HACE1: variants seen among roughly 807,000 people sequenced by gnomAD.
The protein encoded by HACE1 is HECT domain and ankyrin repeat containing E3 ubiquitin protein ligase 1.
HACE1 carries 73 observed loss-of-function variants against 118.4 expected under a neutral mutation model. That is an observed-to-expected ratio of 0.62 (90% CI 0.51 to 0.75). The LOEUF (loss-of-function observed/expected upper bound fraction) is 0.75, where lower values mean the gene tolerates loss of function less well. Ranked by LOEUF, HACE1 falls within the 30% of genes least tolerant of loss-of-function variation. The pLI is 0.00. For synonymous variants in HACE1, 368 were observed against 374.8 expected, an observed-to-expected ratio of 0.98 and a Z score of 0.21; for missense variants, 749 against 1,102.2, an observed-to-expected ratio of 0.68 and a Z score of 4.54.
chr6:104,730,269 T>G, intron 23 of HACE1, 34 bp downstream of exon 23: 1 of 995,784 alleles, frequency 1.0e-6, no homozygotes, highest in South Asian at 1.3e-5. Context: ...TCAAAACAAT[T>G]TGTAAAGCAT....
At position 104,762,922 on chromosome 6, in the gene HACE1, G is replaced by A. The variant is rs557186719; in HGVS notation, c.2211+8271C>T. ...GGAAAATGGTGTGAACCTGGGAGGT[G>A]GAGCTTGCAGTGAGCTGAGATCGCG... On this transcript the variant is annotated intron_variant, in intron 19 of 23. Coordinates refer to ENST00000262903, the MANE Select transcript of HACE1 (RefSeq NM_020771.4). 1.3e-4 allele frequency among the ~76,000 whole-genome samples: 20 copies of A among 149,970 alleles called. No homozygotes were observed. In the East Asian group the frequency reaches 3.7e-3, roughly 28 times the overall value.
At chr6:104,811,521 C>T in intron 6 of HACE1, 128 bp from the exon 7 acceptor site, 1 of 601,970 alleles carries the variant, frequency 1.7e-6, no homozygotes, top group Non-Finnish European at 3.2e-6. Flanking sequence ...ACTGAGTGGG[C>T]ACGTGACAAT....
In HACE1 at chr6:104,833,122, G is replaced by A. The variant is rs869025284; in HGVS notation, c.454C>T (p.Gln152Ter). The part of the protein sequence containing the change: ...GRTELLHDLV[Q>*]HVSDVDVEDA... ...TCAACATCAACATCACTGACATGCT[G>A]CACAAGGTCATGGAGTAGTTCTGTC... The change falls in exon 6 of 24, where the codon CAG becomes TAG. Residue 152 changes from glutamine (Q) to a stop codon, truncating the protein, a stop_gained. Coordinates refer to ENST00000262903, the MANE Select transcript of HACE1 (RefSeq NM_020771.4). LOFTEE classifies it high-confidence loss of function. 3 of 1,613,384 alleles carry A rather than the reference G, an allele frequency of 1.9e-6. No homozygotes were observed. Among genetic ancestry groups the A allele is most frequent in the Non-Finnish European group, 2.5e-6 (3 of 1,179,312 alleles).
At chr6:104,755,365 GATC>G (rs1445346841) in intron 19 of HACE1, among the ~76,000 whole-genome samples, 1 of 152,108 alleles carries the variant, frequency 6.6e-6, no homozygotes, top group Non-Finnish European at 1.5e-5. Flanking sequence ...ATATTAGACA[GATC>G]ATCAAGACAG....
intron 7 of HACE1, among the ~76,000 whole-genome samples, chr6:104,803,878 G>C (rs1295755864): frequency 6.6e-6 from 1 of 152,182 alleles, no homozygotes; most frequent in Non-Finnish European, 1.5e-5. Context: ...AATCAGGCAA[G>C]AGAAAGAAAT....
chr6:104,810,517 G>T (rs1228336103), intron 7 of HACE1, among the ~76,000 whole-genome samples: 1 of 151,920 alleles, frequency 6.6e-6, no homozygotes, highest in Non-Finnish European at 1.5e-5. Context: ...TCAAAAAGAA[G>T]AATTACTATA....
At chr6:104,785,937 A>G (rs1041857628) in intron 11 of HACE1, 5 of 152,472 alleles carry the variant, frequency 3.3e-5, no homozygotes, top group Admixed American at 3.3e-4. Context: ...AAATTACAAA[A>G]TGTGGCATAT....
intron 6 of HACE1, among the ~76,000 whole-genome samples, chr6:104,824,217 C>A (rs757214008): frequency 7.2e-5 from 11 of 152,164 alleles, no homozygotes; most frequent in Non-Finnish European, 1.6e-4. Context: ...CTCAAATAAT[C>A]CAGAGTAACA....
chr6:104,849,093 G>T, intron 4 of HACE1, 49 bp downstream of exon 4: 2 of 1,055,750 alleles, frequency 1.9e-6, no homozygotes, highest in Non-Finnish European at 3.0e-6. Context: ...AAAGTGCCTT[G>T]AATAACTGAT....
intron 14 of HACE1, among the ~76,000 whole-genome samples, chr6:104,779,109 A>C (rs1781490042): frequency 6.6e-6 from 1 of 152,204 alleles, no homozygotes. Flanking sequence ...ATAAATACCA[A>C]GAACAAAGAA....
intron 22 of HACE1, among the ~76,000 whole-genome samples, chr6:104,734,025 G>A (rs1582558381): frequency 6.6e-6 from 1 of 150,648 alleles, no homozygotes; most frequent in Non-Finnish European, 1.5e-5. Context: ...GGTGGTAAGC[G>A]CCTGTAATCC....
At chr6:104,768,444 G>A (rs967786885) in intron 19 of HACE1, among the ~76,000 whole-genome samples, 23 of 151,918 alleles carry the variant, frequency 1.5e-4, no homozygotes, top group African/African-American at 5.6e-4. Context: ...GTAACATTTT[G>A]TAAACTGAAT....
chr6:104,795,651 C>G lies in HACE1; in HGVS notation c.851G>C (p.Ser284Thr). ...RQVLEHLSQQ[S>T]ESQYLKILTS... ...TAGAATCTTTAGGTACTGGCTTTCA[C>G]TTTGCTGAGACAAATGCTCCAGAAC... The change falls in exon 10 of 24, where the codon AGT becomes ACT. Residue 284 changes from serine (S) to threonine (T), a missense_variant. Around this residue, in one of 5 missense-constraint regions of HACE1, gnomAD observed 267 missense variants for 312.2 expected, o/e 0.86. Coordinates refer to ENST00000262903, the MANE Select transcript of HACE1 (RefSeq NM_020771.4). 1 of 1,613,222 alleles carries G rather than the reference C, an allele frequency of 6.2e-7. No homozygotes were observed. Among genetic ancestry groups the G allele is most frequent in the Admixed American group, 1.7e-5 (1 of 60,028 alleles).
chr6:104,811,447 CAA>C, intron 6 of HACE1, 54 bp from the exon 7 acceptor site: 4 of 831,392 alleles, frequency 4.8e-6, no homozygotes, highest in South Asian at 1.3e-5. Flanking sequence ...ACAAAAGATA[CAA>C]TTACCACAAT....
At position 104,822,527 on chromosome 6, in the gene HACE1, G is replaced by A. The variant is rs967898185; in HGVS notation, c.534+10515C>T. ...ATGATCACACCACTACGCTCCGGCCGGTTCAACAGAGTGAAACCCTGTCTC... is the reference window on the plus strand; with the variant it reads ...ATGATCACACCACTACGCTCCGGCCAGTTCAACAGAGTGAAACCCTGTCTC... On this transcript the variant is annotated intron_variant, in intron 6 of 23. Coordinates refer to ENST00000262903, the MANE Select transcript of HACE1 (RefSeq NM_020771.4). Among the ~76,000 whole-genome samples, 11 of 151,712 alleles carry A rather than the reference G, an allele frequency of 7.3e-5. 1 individual carries two copies. In the East Asian group the frequency reaches 1.6e-3, roughly 22 times the overall value.
At chr6:104,740,676 C>G (rs1776563921) in intron 22 of HACE1, among the ~76,000 whole-genome samples, 1 of 148,720 alleles carries the variant, frequency 6.7e-6, no homozygotes, top group African/African-American at 2.5e-5. Flanking sequence ...CAATAGCTTA[C>G]CAACCAAAAA....
chr6:104,781,587 G>A (rs926940173), intron 14 of HACE1, among the ~76,000 whole-genome samples: 3 of 152,074 alleles, frequency 2.0e-5, no homozygotes, highest in Middle Eastern at 3.4e-3. Flanking sequence ...CTCCAACAAC[G>A]AGAAGTTAGA....
At chr6:104,833,011 T>C (rs1367725933) in intron 6 of HACE1, 31 bp downstream of exon 6, 2 of 1,597,948 alleles carry the variant, frequency 1.3e-6, no homozygotes, top group Non-Finnish European at 1.7e-6. Flanking sequence ...AACAAACACA[T>C]GCAGCTTAAA....
chr6:104,817,187 C>A (rs750727619), intron 6 of HACE1, among the ~76,000 whole-genome samples: 1 of 151,950 alleles, frequency 6.6e-6, no homozygotes, highest in East Asian at 1.9e-4. Flanking sequence ...TTTTCCAATA[C>A]GAGAAGAACA....
Sources: gnomAD v4.1 joint callset for allele counts (sites outside exome capture counted in the v4.1 genomes callset) on GRCh38, gnomAD v4.1.1 for gene constraint, gnomAD v4.1.1 regional missense constraint, MANE v1.5 for transcripts, NCBI Gene and HGNC (gene_info 2026-07-23, HGNC 2026-07-21) for gene names.